The following TEK variants were observed in gnomAD, a reference collection of about 807,000 sequenced individuals.
TEK encodes the protein TEK receptor tyrosine kinase, also known as angiopoietin-1 receptor.
In TEK, 43 loss-of-function variants were observed where a neutral mutation model predicts 131.8. That is an observed-to-expected ratio of 0.33 (90% CI 0.26 to 0.42). The LOEUF (loss-of-function observed/expected upper bound fraction) is 0.42, where lower values mean the gene tolerates loss of function less well. Among genes scored for constraint, TEK ranks in the 10% least tolerant of loss-of-function variants. The probability of loss-of-function intolerance (pLI) is 1.00; values close to 1 mark genes in which losing one functional copy is unlikely to be tolerated. For synonymous variants in TEK, 580 were observed against 491.6 expected (o/e 1.18, Z -2.38); for missense variants, 1,162 against 1,384.4 (o/e 0.84, Z 2.55).
At chr9:27,204,817 G>A in intron 13 of TEK, 94 bp from the exon 14 acceptor site, 1 of 1,559,170 alleles carries the variant, frequency 6.4e-7, no homozygotes, top group African/African-American at 1.4e-5. Context: ...CTGCTGTTAA[G>A]TTCCCATTAC....
chr9:27,140,389 CAAAAAAG>C (rs1391790844), intron 1 of TEK, among the ~76,000 whole-genome samples: 1 of 101,338 alleles, frequency 9.9e-6, no homozygotes, highest in Admixed American at 1.1e-4. Flanking sequence ...CTTACATTAG[CAAAAAAG>C]AAAAAAAAAA....
intron 1 of TEK, 133 bp downstream of exon 1, chr9:27,109,775 A>C: frequency 1.2e-6 from 1 of 837,116 alleles, no homozygotes; most frequent in Non-Finnish European, 2.0e-6. Context: ...TTTCTCTGTG[A>C]GTCTCCAGTC....
chr9:27,150,250 C>A (rs1361119076), intron 1 of TEK, among the ~76,000 whole-genome samples: 2 of 152,148 alleles, frequency 1.3e-5, no homozygotes, highest in African/African-American at 4.8e-5. Context: ...CTGGCTCTAC[C>A]ACTACCCTTT....
chr9:27,228,054 T>C, intron 21 of TEK, 152 bp from the exon 22 acceptor site: 1 of 577,258 alleles, frequency 1.7e-6, no homozygotes. Flanking sequence ...CTTAGGGAGG[T>C]GGGAGTCCTC....
intron 1 of TEK, among the ~76,000 whole-genome samples, chr9:27,149,269 A>G (rs374690545): frequency 6.6e-6 from 1 of 152,166 alleles, no homozygotes. Context: ...CTTATTATCA[A>G]TGAGACATAG....
chr9:27,112,195 GC>G (rs1379176591), intron 1 of TEK, among the ~76,000 whole-genome samples: 3 of 152,068 alleles, frequency 2.0e-5, no homozygotes, highest in African/African-American at 7.2e-5. Flanking sequence ...CACCACGCCC[GC>G]CCTTGTCACT....
chr9:27,220,537 C>A (rs1227757154), intron 21 of TEK, among the ~76,000 whole-genome samples: 1 of 152,246 alleles, frequency 6.6e-6, no homozygotes, highest in South Asian at 2.1e-4. Flanking sequence ...AGGAACAGCT[C>A]CAGTGTGCAA....
At chr9:27,158,544 C>T (rs10125604) in intron 2 of TEK, among the ~76,000 whole-genome samples, 292 of 151,992 alleles carry the variant, frequency 1.9e-3, no homozygotes, top group African/African-American at 6.9e-3. Flanking sequence ...CCCTAAATAC[C>T]CTTAATGGAA....
intron 10 of TEK, chr9:27,192,046 A>T: frequency 2.4e-6 from 1 of 421,386 alleles, no homozygotes; most frequent in Non-Finnish European, 4.6e-6. Context: ...TAATAGTATG[A>T]CCATTGCAAA....
chr9:27,206,076 T>G (rs181599240), intron 14 of TEK, among the ~76,000 whole-genome samples: 5 of 152,358 alleles, frequency 3.3e-5, no homozygotes, highest in African/African-American at 1.2e-4. Context: ...TTCAATCATC[T>G]TGTGGCCAGA....
Position 27,185,504 on chromosome 9 carries a change from C to T in TEK, c.1202C>T (p.Thr401Met), listed in dbSNP as rs769059911. ...TVLHPKDFNHTDHFSVAIFTI... is the reference protein window; with the variant it reads ...TVLHPKDFNHMDHFSVAIFTI... ...TTTCAGCCAAAAGACTTTAACCATA[C>T]GGATCATTTCTCAGTAGCCATATTC... Residue 401 changes from threonine (T) to methionine (M), a missense_variant, in exon 9 of 23, where the codon ACG becomes ATG. By Grantham distance (81) the Thr-to-Met change is moderately conservative (BLOSUM62 -1). Around this residue, in one of 6 missense-constraint regions of TEK, gnomAD observed 436 missense variants for 539.1 expected, o/e 0.81. Coordinates refer to ENST00000380036, the MANE Select transcript of TEK (RefSeq NM_000459.5). The T allele has an allele frequency of 1.3e-5, 21 of 1,613,140 alleles. No homozygotes were observed. Among genetic ancestry groups the T allele is most frequent in the African/African-American group, 2.7e-5 (2 of 74,808 alleles).
At chr9:27,164,080 A>C (rs575712742) in intron 2 of TEK, among the ~76,000 whole-genome samples, 58 of 152,294 alleles carry the variant, frequency 3.8e-4, no homozygotes, top group Non-Finnish European at 7.8e-4. Flanking sequence ...GAGTGCTAAC[A>C]TTACATAATC....
chr9:27,111,639 C>T (rs1821352350), intron 1 of TEK, among the ~76,000 whole-genome samples: 1 of 151,788 alleles, frequency 6.6e-6, no homozygotes, highest in Non-Finnish European at 1.5e-5. Context: ...AAGCTCCTTA[C>T]AAATACTCCT....
At chr9:27,155,994 C>T (rs937194776) in intron 1 of TEK, among the ~76,000 whole-genome samples, 2 of 151,928 alleles carry the variant, frequency 1.3e-5, no homozygotes, top group Admixed American at 6.6e-5. Flanking sequence ...ATAGAGACAA[C>T]GTTTCACCAT....
chr9:27,215,029 T>C (rs1825767118), intron 18 of TEK, among the ~76,000 whole-genome samples: 2 of 152,158 alleles, frequency 1.3e-5, no homozygotes, highest in Non-Finnish European at 2.9e-5. Flanking sequence ...CTGAAATCCT[T>C]TTCCCTGCTT....
chr9:27,187,031 A>G (rs1205286498), intron 9 of TEK, among the ~76,000 whole-genome samples: 3 of 152,204 alleles, frequency 2.0e-5, no homozygotes, highest in Non-Finnish European at 4.4e-5. Context: ...TGTTCTTGGA[A>G]GAAAGGAAAT....
At chr9:27,143,431 G>A (rs867323644) in intron 1 of TEK, among the ~76,000 whole-genome samples, 24 of 152,222 alleles carry the variant, frequency 1.6e-4, no homozygotes, top group African/African-American at 4.3e-4. Context: ...GCCAGGGAGG[G>A]GGCACACCTT....
At chr9:27,193,367 A>G (rs1373909531) in intron 11 of TEK, among the ~76,000 whole-genome samples, 1 of 152,184 alleles carries the variant, frequency 6.6e-6, no homozygotes, top group Non-Finnish European at 1.5e-5. Context: ...CCGGGGTTCA[A>G]AAATTTGCAT....
intron 1 of TEK, among the ~76,000 whole-genome samples, chr9:27,140,336 T>G (rs1822675828): frequency 6.6e-6 from 1 of 151,608 alleles, no homozygotes; most frequent in African/African-American, 2.4e-5. Context: ...GAACACCACT[T>G]TATCTGGTTC....
Sources: gnomAD v4.1 joint callset for allele counts (sites outside exome capture counted in the v4.1 genomes callset) on GRCh38, gnomAD v4.1.1 for gene constraint, gnomAD v4.1.1 regional missense constraint, MANE v1.5 for transcripts, NCBI Gene and HGNC (gene_info 2026-07-23, HGNC 2026-07-21) for gene names.